CDK7: variants seen among roughly 807,000 people sequenced by gnomAD.
CDK7 encodes cyclin dependent kinase 7, also known as cyclin-dependent kinase 7.
CDK7 carries 25 observed loss-of-function variants against 49.1 expected under a neutral mutation model. The observed-to-expected ratio is 0.51, with a 90% CI of 0.37 to 0.71. The LOEUF is 0.71. Among genes scored for constraint, CDK7 ranks in the 30% least tolerant of loss-of-function variants. CDK7 has a pLI of 0.00. For synonymous variants in CDK7, 107 were observed against 140.0 expected, an observed-to-expected ratio of 0.76 and a Z score of 1.67; for missense variants, 316 against 411.7, an observed-to-expected ratio of 0.77 and a Z score of 2.01.
intron 2 of CDK7, among the ~76,000 whole-genome samples, chr5:69,244,031 A>G (rs753995454): frequency 1.0e-3 from 152 of 146,412 alleles, no homozygotes; most frequent in Non-Finnish European, 1.9e-3. Context: ...ACGGGGTTTC[A>G]CTATGTTGGC....
At chr5:69,257,988 TAG>T (rs1750590493) in intron 5 of CDK7, 53 bp from the exon 6 acceptor site, 3 of 842,012 alleles carry the variant, frequency 3.6e-6, no homozygotes, top group Non-Finnish European at 5.9e-6. Context: ...TTTTATGTGG[TAG>T]AGTTTATTTG....
chr5:69,261,488 CTCTGTGTGTGTGTGTGTG>C (rs1199157780), intron 7 of CDK7, among the ~76,000 whole-genome samples: 4 of 120,262 alleles, frequency 3.3e-5, no homozygotes, highest in African/African-American at 1.2e-4. Context: ...TGAAAAGGTT[CTCTGTGTGTGTGTGTGTG>C]TGTGTGTGTG....
intron 2 of CDK7, among the ~76,000 whole-genome samples, chr5:69,249,074 C>G (rs142580679): frequency 2.1e-4 from 32 of 152,062 alleles, no homozygotes; most frequent in Non-Finnish European, 4.3e-4. Context: ...GCCTCTCTCT[C>G]TCTACCTCCT....
chr5:69,265,225 A>G (rs1370108217), intron 8 of CDK7, among the ~76,000 whole-genome samples: 1 of 152,094 alleles, frequency 6.6e-6, no homozygotes, highest in Non-Finnish European at 1.5e-5. Flanking sequence ...AGATCGCACC[A>G]CTGCACTCCA....
At chr5:69,238,797 A>G (rs529681474) in intron 2 of CDK7, among the ~76,000 whole-genome samples, 79 of 151,796 alleles carry the variant, frequency 5.2e-4, no homozygotes, top group African/African-American at 1.9e-3. Context: ...GCTGACCTCA[A>G]CTGATCTGCC....
In CDK7 at chr5:69,252,368, A is replaced by T. The variant is rs761714366; in HGVS notation, c.127-50A>T. 1.0e-5 allele frequency: 12 copies of T among 1,150,432 alleles called. No individual in the cohort carries two copies. In the South Asian group the frequency reaches 1.6e-4, roughly 16 times the overall value. The allele number at this position is 1,150,432 out of a possible 1,614,324, so 71.3% of individuals were successfully genotyped here. The stretch of plus-strand genomic sequence containing the variant: ...TTTACACATTATTCATTGATTCTAA[A>T]TAATTTAACACATTTTTAATATATT... On this transcript the variant is annotated intron_variant, in intron 2 of 11. Coordinates refer to ENST00000256443, the MANE Select transcript of CDK7 (RefSeq NM_001799.4).
At chr5:69,247,646 T>C (rs1183798283) in intron 2 of CDK7, among the ~76,000 whole-genome samples, 1 of 152,172 alleles carries the variant, frequency 6.6e-6, no homozygotes, top group Admixed American at 6.5e-5. Flanking sequence ...TTTTGTGGTC[T>C]TTCCTTCCTT....
chr5:69,255,853 C>T (rs183097864), intron 5 of CDK7: 21 of 276,404 alleles, frequency 7.6e-5, no homozygotes, highest in Non-Finnish European at 1.1e-4. Context: ...GATGGAGTCT[C>T]AGTCTGTTCA....
At chr5:69,237,451 C>T (rs538670086) in intron 2 of CDK7, among the ~76,000 whole-genome samples, 24 of 152,312 alleles carry the variant, frequency 1.6e-4, no homozygotes, top group Middle Eastern at 3.4e-3. Flanking sequence ...CCAGGCTTCA[C>T]TCAAATGTCT....
At chr5:69,259,178 C>T (rs913486142) in intron 6 of CDK7, among the ~76,000 whole-genome samples, 1 of 151,876 alleles carries the variant, frequency 6.6e-6, no homozygotes, top group African/African-American at 2.4e-5. Context: ...CTTGGATTAA[C>T]TCATACAATG....
intron 10 of CDK7, among the ~76,000 whole-genome samples, chr5:69,275,249 A>G (rs1312411756): frequency 6.6e-6 from 1 of 152,212 alleles, no homozygotes; most frequent in African/African-American, 2.4e-5. Context: ...ATCTTGGAGA[A>G]GCCCTTCCAA....
At chr5:69,250,029 CTG>C (rs765610214) in intron 2 of CDK7, among the ~76,000 whole-genome samples, 5 of 152,228 alleles carry the variant, frequency 3.3e-5, no homozygotes, top group Non-Finnish European at 7.3e-5. Context: ...TTCGAATTCT[CTG>C]ACTAAAAGGT....
chr5:69,262,562 G>A (rs910651266), intron 8 of CDK7, among the ~76,000 whole-genome samples: 5 of 151,754 alleles, frequency 3.3e-5, no homozygotes, highest in Middle Eastern at 3.4e-3. Context: ...CCAGCTACTC[G>A]GGAGGCTGAG....
At chr5:69,250,966 G>A (rs141582219) in intron 2 of CDK7, 63 of 446,362 alleles carry the variant, frequency 1.4e-4, no homozygotes, top group African/African-American at 1.2e-3. Flanking sequence ...CGCCTGTTCT[G>A]TTGCCCAGGC....
intron 5 of CDK7, among the ~76,000 whole-genome samples, chr5:69,257,818 C>T (rs1750582180): frequency 6.6e-6 from 1 of 152,166 alleles, no homozygotes. Context: ...TACTTTCATG[C>T]GAAAGCAGTA....
At chr5:69,240,179 GT>G (rs1227237590) in intron 2 of CDK7, among the ~76,000 whole-genome samples, 19 of 151,704 alleles carry the variant, frequency 1.3e-4, no homozygotes, top group Admixed American at 1.3e-3. Flanking sequence ...GGGTTTGTTT[GT>G]TTTTTTTCCC....
chr5:69,272,099 AT>A (rs1174176463), intron 9 of CDK7, among the ~76,000 whole-genome samples: 3 of 151,902 alleles, frequency 2.0e-5, no homozygotes, highest in Non-Finnish European at 4.4e-5. Context: ...CCAAGTTCAG[AT>A]TTTTGCACAT....
chr5:69,274,666 A>T (rs935354911), intron 10 of CDK7, among the ~76,000 whole-genome samples: 1 of 152,038 alleles, frequency 6.6e-6, no homozygotes, highest in Non-Finnish European at 1.5e-5. Flanking sequence ...CCCAGGCTGG[A>T]GTGCAGTGGC....
intron 2 of CDK7, among the ~76,000 whole-genome samples, chr5:69,238,625 TA>T (rs1749163586): frequency 6.6e-6 from 1 of 151,708 alleles, no homozygotes; most frequent in Non-Finnish European, 1.5e-5. Context: ...ATATTTGGCA[TA>T]TTCTTCTGCA....
Sources: gnomAD v4.1 joint callset for allele counts (sites outside exome capture counted in the v4.1 genomes callset) on GRCh38, gnomAD v4.1.1 for gene constraint, MANE v1.5 for transcripts, NCBI Gene and HGNC (gene_info 2026-07-23, HGNC 2026-07-21) for gene names.